Variants in CHCHD6 observed in about 807,000 individuals in gnomAD.
CHCHD6 encodes coiled-coil-helix-coiled-coil-helix domain containing 6, also known as MICOS complex subunit MIC25.
A neutral mutation model predicts 32.3 loss-of-function variants in CHCHD6; 28 were observed. The observed-to-expected ratio is 0.87, with a 90% CI of 0.64 to 1.19. The LOEUF (loss-of-function observed/expected upper bound fraction) is 1.19, where lower values mean the gene tolerates loss of function less well. CHCHD6 is among the 50% of genes most tolerant of loss of function. The pLI, the probability that CHCHD6 is intolerant of heterozygous loss-of-function variation, is 0.00. For synonymous variants in CHCHD6, 122 were observed against 117.5 expected, an observed-to-expected ratio of 1.04 and a Z score of -0.25; for missense variants, 333 against 307.0, an observed-to-expected ratio of 1.08 and a Z score of -0.63.
At chr3:126,850,158 C>T (rs1226571045) in intron 4 of CHCHD6, among the ~76,000 whole-genome samples, 1 of 152,204 alleles carries the variant, frequency 6.6e-6, no homozygotes, top group Non-Finnish European at 1.5e-5. Flanking sequence ...AGCCAGTGGG[C>T]AGGGCTTTGT....
chr3:126,745,593 C>T (rs1016700340), intron 4 of CHCHD6, among the ~76,000 whole-genome samples: 3 of 152,156 alleles, frequency 2.0e-5, no homozygotes, highest in African/African-American at 7.2e-5. Flanking sequence ...AAAAAAGGGA[C>T]AGCGAACAGA....
At chr3:126,890,751 C>T (rs2077746644) in intron 5 of CHCHD6, among the ~76,000 whole-genome samples, 1 of 152,204 alleles carries the variant, frequency 6.6e-6, no homozygotes, top group Admixed American at 6.5e-5. Flanking sequence ...ATAAGTAACA[C>T]CTTCAGTGCC....
intron 6 of CHCHD6, among the ~76,000 whole-genome samples, chr3:126,942,606 G>A (rs1233016132): frequency 1.6e-4 from 24 of 151,966 alleles, no homozygotes; most frequent in Admixed American, 1.6e-3. Context: ...CCTTCCTTTG[G>A]CATGTCTCTT....
chr3:126,780,435 G>C, intron 4 of CHCHD6: 1 of 356,656 alleles, frequency 2.8e-6, no homozygotes, highest in Non-Finnish European at 5.5e-6. Flanking sequence ...CCTTGGGTAA[G>C]AGTTGTTATT....
chr3:126,840,168 C>G (rs938694765), intron 4 of CHCHD6, among the ~76,000 whole-genome samples: 4 of 152,116 alleles, frequency 2.6e-5, no homozygotes, highest in African/African-American at 9.7e-5. Context: ...GAATGATATT[C>G]CATTATATAG....
At chr3:126,922,200 G>A (rs750494134) in intron 6 of CHCHD6, among the ~76,000 whole-genome samples, 29 of 152,086 alleles carry the variant, frequency 1.9e-4, no homozygotes, top group Non-Finnish European at 3.8e-4. Flanking sequence ...ACATCATCAC[G>A]TGCCAGCGAC....
chr3:126,917,581 C>A (rs911982134), intron 6 of CHCHD6, among the ~76,000 whole-genome samples: 18 of 152,214 alleles, frequency 1.2e-4, no homozygotes, highest in Non-Finnish European at 2.5e-4. Flanking sequence ...CAAGATTCCA[C>A]ATAGAAAGTA....
At chr3:126,869,955 A>G (rs1320615897) in intron 5 of CHCHD6, among the ~76,000 whole-genome samples, 1 of 152,176 alleles carries the variant, frequency 6.6e-6, no homozygotes, top group Non-Finnish European at 1.5e-5. Context: ...CCCTGTTAGA[A>G]GGCACTTTCA....
intron 4 of CHCHD6, among the ~76,000 whole-genome samples, chr3:126,781,387 G>A (rs1442277416): frequency 3.9e-5 from 6 of 152,206 alleles, no homozygotes; most frequent in Non-Finnish European, 7.3e-5. Flanking sequence ...GCATTGAAGT[G>A]ACAATATTCA....
At chr3:126,705,768 G>T (rs1934454328) in intron 1 of CHCHD6, among the ~76,000 whole-genome samples, 1 of 152,132 alleles carries the variant, frequency 6.6e-6, no homozygotes, top group Admixed American at 6.5e-5. Context: ...TCTGGCAGGT[G>T]CTCATTAGCT....
At chr3:126,730,134 G>C (rs1935722686) in intron 2 of CHCHD6, among the ~76,000 whole-genome samples, 1 of 152,144 alleles carries the variant, frequency 6.6e-6, no homozygotes, top group Admixed American at 6.5e-5. Context: ...AGGGAAACAA[G>C]ATTTAAAGAG....
intron 4 of CHCHD6, among the ~76,000 whole-genome samples, chr3:126,763,134 A>G (rs1221987225): frequency 6.6e-6 from 1 of 151,934 alleles, no homozygotes; most frequent in Non-Finnish European, 1.5e-5. Flanking sequence ...GATTTTTCTA[A>G]TGTAGTTAAC....
At chr3:126,756,579 A>G (rs181086641) in intron 4 of CHCHD6, among the ~76,000 whole-genome samples, 5 of 152,284 alleles carry the variant, frequency 3.3e-5, no homozygotes, top group Admixed American at 1.3e-4. Context: ...CCCACACCAT[A>G]GGCTGGTGGT....
intron 5 of CHCHD6, among the ~76,000 whole-genome samples, chr3:126,881,232 A>G (rs1045484258): frequency 4.6e-5 from 7 of 152,224 alleles, no homozygotes; most frequent in African/African-American, 7.2e-5. Context: ...AATGCAAAAT[A>G]CAATGGGTAG....
chr3:126,718,114 C>T (rs1214770684), intron 1 of CHCHD6, among the ~76,000 whole-genome samples: 1 of 151,994 alleles, frequency 6.6e-6, no homozygotes, highest in Non-Finnish European at 1.5e-5. Context: ...AAGAATGTGC[C>T]CAATTTAATT....
chr3:126,761,146 C>T (rs1235593200), intron 4 of CHCHD6, among the ~76,000 whole-genome samples: 2 of 152,190 alleles, frequency 1.3e-5, no homozygotes, highest in Non-Finnish European at 2.9e-5. Context: ...TATATACGCA[C>T]ACACCCCCAT....
At chr3:126,853,379 G>A (rs1274382793) in intron 5 of CHCHD6, among the ~76,000 whole-genome samples, 1 of 152,084 alleles carries the variant, frequency 6.6e-6, no homozygotes, top group African/African-American at 2.4e-5. Flanking sequence ...TGTGGGAGGG[G>A]ATGGTTGGGA....
chr3:126,738,221 G>A (rs976865196), intron 4 of CHCHD6, among the ~76,000 whole-genome samples: 1 of 152,130 alleles, frequency 6.6e-6, no homozygotes, highest in Non-Finnish European at 1.5e-5. Context: ...CCTGTCCACG[G>A]GTTTCCGTAT....
intron 5 of CHCHD6, among the ~76,000 whole-genome samples, chr3:126,903,770 C>G (rs977756804): frequency 1.3e-5 from 2 of 152,162 alleles, no homozygotes; most frequent in Non-Finnish European, 2.9e-5. Context: ...CCTGTTTACT[C>G]CCAGCACACT....
Sources: allele counts gnomAD v4.1 joint callset (sites outside exome capture counted in the v4.1 genomes callset), GRCh38; gene constraint gnomAD v4.1.1; transcripts MANE v1.5; gene names NCBI Gene and HGNC (gene_info 2026-07-23, HGNC 2026-07-21).